NCS1: variants seen among roughly 807,000 people sequenced by gnomAD.
NCS1 encodes frequenin homolog.
NCS1 carries 6 observed loss-of-function variants against 28.4 expected under a neutral mutation model. The ratio of observed to expected loss-of-function variants is 0.21; its 90% CI spans 0.12 to 0.42. The LOEUF is 0.42. NCS1 is among the 10% of genes least tolerant of loss of function. The pLI, the probability that NCS1 is intolerant of heterozygous loss-of-function variation, is 1.00. For missense variants in NCS1, 131 were observed against 241.4 expected, an observed-to-expected ratio of 0.54 and a Z score of 3.03; for synonymous variants, 86 against 99.3, an observed-to-expected ratio of 0.87 and a Z score of 0.79.
Position 130,186,450 on chromosome 9 carries a change from G to A in NCS1, c.64+13723G>A, listed in dbSNP as rs1170379299. ...GATATTTGAACTTAACAGGGTATCT[G>A]TATTTTTGTTTGCTGAATTTGATAG... is the stretch of plus-strand genomic sequence containing the variant. On this transcript the variant is annotated intron_variant, in intron 1 of 7. Transcript: ENST00000372398. The surrounding 1 kb of genome is among the most constrained non-coding windows in gnomAD (Gnocchi z 4.1). 6.6e-6 allele frequency among the ~76,000 whole-genome samples: 1 copy of A among 152,186 alleles called. No homozygotes were observed. The highest frequency in any genetic ancestry group is 1.5e-5 in the Non-Finnish European group (1 of 68,036).
rs978156179 is a variant in NCS1, at chr9:130,175,076, G to A, written c.64+2349G>A. 3.9e-5 allele frequency among the ~76,000 whole-genome samples: 6 copies of A among 152,074 alleles called. No individual in the cohort carries two copies. The highest frequency in any genetic ancestry group is 2.6e-4 in the Admixed American group (4 of 15,258). ...TTTTCCTCTGTCGAAGCCCTTATTA[G>A]GGGTGGGCCGTTGGAGGTGGCGGTG... On this transcript the variant is annotated intron_variant, in intron 1 of 7. Transcript: ENST00000372398. The surrounding 1 kb of genome is among the most constrained non-coding windows in gnomAD (Gnocchi z 4.9).
intron 1 of NCS1, among the ~76,000 whole-genome samples, chr9:130,196,478 C>T (rs1415719456): frequency 2.0e-5 from 3 of 152,240 alleles, no homozygotes; most frequent in African/African-American, 4.8e-5. Context: ...GCGTCTCACG[C>T]CTGTAACCCC....
intron 1 of NCS1, among the ~76,000 whole-genome samples, chr9:130,189,926 G>GC (rs1411942714): frequency 7.6e-6 from 1 of 132,166 alleles, no homozygotes; most frequent in Non-Finnish European, 1.5e-5. Context: ...GGTCTCGAAG[G>GC]CCCCAAAGAG....
intron 6 of NCS1, among the ~76,000 whole-genome samples, chr9:130,223,769 A>C (rs1833371867): frequency 6.6e-6 from 1 of 152,074 alleles, no homozygotes; most frequent in African/African-American, 2.4e-5. Flanking sequence ...AGAGGTTAGT[A>C]AAAAAAGGCT....
At chr9:130,201,314 G>T (rs2131135651) in intron 2 of NCS1, among the ~76,000 whole-genome samples, 2 of 152,318 alleles carry the variant, frequency 1.3e-5, no homozygotes, top group East Asian at 3.9e-4. Flanking sequence ...CTATGACCTT[G>T]AGAGGTCCTT....
rs1833508790 is a variant in NCS1 at position 130,232,138 on chromosome 9, G to A, written c.*18-852G>A. ...ATTTTTGTATTTTTGGTAGAGACCGGGTTTCACTGTGTTGGCCAAGCTGGT... is the reference window on the plus strand; with the variant it reads ...ATTTTTGTATTTTTGGTAGAGACCGAGTTTCACTGTGTTGGCCAAGCTGGT... On this transcript the variant is annotated intron_variant, in intron 7 of 7. Transcript: ENST00000372398. The surrounding 1 kb of genome is among the most constrained non-coding windows in gnomAD (Gnocchi z 4.4). Among the ~76,000 whole-genome samples, 2 of 152,098 alleles carry A rather than the reference G, an allele frequency of 1.3e-5. No homozygotes were observed. The highest frequency in any genetic ancestry group is 4.2e-4 in the South Asian group (2 of 4,816).
Position 130,209,241 on chromosome 9 carries a change from A to G in NCS1, c.89+8259A>G, listed in dbSNP as rs1264913664. ...CTGTCCCACCTTTTGCACTGCAGAG[A>G]GCAGCTGCCGCAGTATCATCAGCAT... On this transcript the variant is annotated intron_variant, in intron 2 of 7. Coordinates refer to ENST00000372398, the MANE Select transcript of NCS1 (RefSeq NM_014286.4). This position sits in a 1 kb window ranked among gnomAD's most constrained non-coding sequence, Gnocchi z 4.4. Among the ~76,000 whole-genome samples the G allele has an allele frequency of 6.6e-6, 1 of 152,154 alleles. No individual in the cohort carries two copies. Among genetic ancestry groups the G allele is most frequent in the Non-Finnish European group, 1.5e-5 (1 of 68,016 alleles).
rs782629173 is a variant in NCS1 at position 130,222,606 on chromosome 9, A to G, written c.308-44A>G. The G allele has an allele frequency of 5.1e-6, 8 of 1,581,016 alleles. No homozygotes were observed. In the East Asian group the frequency reaches 1.8e-4, roughly 35 times the overall value. On this transcript the variant is annotated intron_variant, in intron 4 of 7. Coordinates refer to ENST00000372398, the MANE Select transcript of NCS1 (RefSeq NM_014286.4). ...AGGGGCGAGTTGAAGACCCCTCCCC[A>G]CTGCCCCAGCCCAGGATCACTCAGC...
chr9:130,181,377 C>T lies in NCS1; in HGVS notation c.64+8650C>T, dbSNP rs1055139941. ...GCTCCTGGTGGTGGTGGAGGATCTG[C>T]GAGCTGCAGCACGGGACGGTCAGGG... On this transcript the variant is annotated intron_variant, in intron 1 of 7. Coordinates refer to ENST00000372398, the MANE Select transcript of NCS1 (RefSeq NM_014286.4). This position sits in a 1 kb window ranked among gnomAD's most constrained non-coding sequence, Gnocchi z 5.0. Among the ~76,000 whole-genome samples, 56 of 152,138 alleles carry T rather than the reference C, an allele frequency of 3.7e-4. No homozygotes were observed. The highest frequency in any genetic ancestry group is 7.6e-4 in the Non-Finnish European group (52 of 68,036).
chr9:130,214,491 C>T (rs1833157040), intron 2 of NCS1, among the ~76,000 whole-genome samples: 1 of 152,182 alleles, frequency 6.6e-6, no homozygotes, highest in African/African-American at 2.4e-5. Context: ...AAGAGGAGGC[C>T]TCCAGGGCAG....
intron 2 of NCS1, among the ~76,000 whole-genome samples, chr9:130,206,453 G>GGC (rs1486261278): frequency 2.8e-5 from 4 of 140,644 alleles, no homozygotes; most frequent in Non-Finnish European, 6.0e-5. Flanking sequence ...CGGTCGCCCA[G>GGC]GCTAGAGTGC....
intron 6 of NCS1, among the ~76,000 whole-genome samples, chr9:130,224,431 G>A (rs1833383950): frequency 6.7e-6 from 1 of 148,660 alleles, no homozygotes; most frequent in South Asian, 2.1e-4. Context: ...GATGGCACAT[G>A]CCTGTAATCC....
rs538939333 is a variant in NCS1 at position 130,206,184 on chromosome 9, GT to G, written c.89+5205del. On this transcript the variant is annotated intron_variant, in intron 2 of 7. Transcript: ENST00000372398. ...TGCTGTTACCATACAAAATAAACCA[GT>G]TTGCTATTCCTTGATTGTCTTAAAC... Among the ~76,000 whole-genome samples the G allele has an allele frequency of 1.5e-4, 23 of 152,214 alleles. No individual in the cohort carries two copies. The East Asian group carries it at 1.5e-3, about 10-fold the overall frequency.
At position 130,177,235 on chromosome 9, in the gene NCS1, TGG is replaced by T. The variant is rs1341342850; in HGVS notation, c.64+4509_64+4510del. 1.3e-5 allele frequency among the ~76,000 whole-genome samples: 2 copies of T among 152,220 alleles called. No individual in the cohort carries two copies. The highest frequency in any genetic ancestry group is 6.5e-5 in the Admixed American group (1 of 15,290). ...CAGCAGTTGGGTTCTTGGGTGTCTC[TGG>T]TTGTGGACTGTCCTGGGGCCCATGA... On this transcript the variant is annotated intron_variant, in intron 1 of 7. Transcript: ENST00000372398. This position sits in a 1 kb window ranked among gnomAD's most constrained non-coding sequence, Gnocchi z 4.4.
rs1833510437 is a variant in NCS1 at position 130,232,301 on chromosome 9, T to C, written c.*18-689T>C. ...AATGACTAGGGATGTTGGGCATCTT[T>C]TCATGTGTTTATCGACTGTTCTATG... On this transcript the variant is annotated intron_variant, in intron 7 of 7. Transcript: ENST00000372398. This position sits in a 1 kb window ranked among gnomAD's most constrained non-coding sequence, Gnocchi z 4.4. Among the ~76,000 whole-genome samples the C allele has an allele frequency of 6.6e-6, 1 of 152,210 alleles. No homozygotes were observed. Among genetic ancestry groups the C allele is most frequent in the African/African-American group, 2.4e-5 (1 of 41,462 alleles).
rs976466433 is a variant in NCS1 at position 130,181,735 on chromosome 9, G to C, written c.64+9008G>C. Among the ~76,000 whole-genome samples, 12 of 152,174 alleles carry C rather than the reference G, an allele frequency of 7.9e-5. No individual in the cohort carries two copies. In the South Asian group the frequency reaches 1.2e-3, roughly 16 times the overall value. On this transcript the variant is annotated intron_variant, in intron 1 of 7. Coordinates refer to ENST00000372398, the MANE Select transcript of NCS1 (RefSeq NM_014286.4). The surrounding 1 kb of genome is among the most constrained non-coding windows in gnomAD (Gnocchi z 5.0). ...GAGCGTGAGCGGGCCCGGGTGCCTG[G>C]TGTGGGTGTTGCAGGCAGGGCGGGT...
chr9:130,172,593 C>T lies in NCS1; in HGVS notation c.-71C>T, dbSNP rs1255080872. ...AGGCGCGGCCCCGGCCCGGCCCGCC[C>T]GGCCCAGCCGCTCCTGCTGGGCGCC... On this transcript the variant is annotated 5_prime_UTR_variant, in exon 1 of 8. Coordinates refer to ENST00000372398, the MANE Select transcript of NCS1 (RefSeq NM_014286.4). The T allele has an allele frequency of 1.3e-5, 11 of 869,000 alleles. No individual in the cohort carries two copies. In the African/African-American group the frequency reaches 1.9e-4, roughly 15 times the overall value. The allele number at this position is 869,000 out of a possible 1,614,324, so 53.8% of individuals were successfully genotyped here.
At chr9:130,217,777 G>A in intron 2 of NCS1, 55 bp from the exon 3 acceptor site, 1 of 1,612,576 alleles carries the variant, frequency 6.2e-7, no homozygotes, top group Admixed American at 1.7e-5. Context: ...GTTGGTGGTG[G>A]GTGGGTGATG....
In NCS1 at chr9:130,215,292, G is replaced by A. The variant is rs1321739809; in HGVS notation, c.90-2540G>A. Among the ~76,000 whole-genome samples the A allele has an allele frequency of 6.6e-6, 1 of 152,170 alleles. No individual in the cohort carries two copies. The highest frequency in any genetic ancestry group is 1.5e-5 in the Non-Finnish European group (1 of 68,038). On this transcript the variant is annotated intron_variant, in intron 2 of 7. Coordinates refer to ENST00000372398, the MANE Select transcript of NCS1 (RefSeq NM_014286.4). The surrounding 1 kb of genome is among the most constrained non-coding windows in gnomAD (Gnocchi z 4.2). ...ACAGAAGAAACTCAAAAGAAGCAGG[G>A]AGAAGGCAGGTTTAAGGGCCAGGAC...
Sources: allele counts gnomAD v4.1 joint callset (sites outside exome capture counted in the v4.1 genomes callset), GRCh38; gene constraint gnomAD v4.1.1; non-coding constraint Gnocchi (gnomAD v3.1); transcripts MANE v1.5; gene names NCBI Gene and HGNC (gene_info 2026-07-23, HGNC 2026-07-21).